Variants in FRMD4A observed in about 807,000 individuals in gnomAD.
FRMD4A encodes FERM domain containing 4A, also known as FERM domain-containing protein 4A.
FRMD4A carries 29 observed loss-of-function variants against 129.1 expected under a neutral mutation model. The observed-to-expected ratio is 0.22, with a 90% CI of 0.17 to 0.31. FRMD4A has a LOEUF of 0.31. Ranked by LOEUF, FRMD4A falls within the 10% of genes least tolerant of loss-of-function variation. The pLI is 1.00. For synonymous variants in FRMD4A, 634 were observed against 571.6 expected (o/e 1.11, Z -1.56); for missense variants, 1,272 against 1,375.8 (o/e 0.92, Z 1.19).
At chr10:14,005,510 C>T (rs1002596780) in intron 2 of FRMD4A, among the ~76,000 whole-genome samples, 11 of 152,278 alleles carry the variant, frequency 7.2e-5, no homozygotes, top group South Asian at 6.2e-4. Context: ...AAGCAATTGT[C>T]GAACCTGGGC....
intron 2 of FRMD4A, among the ~76,000 whole-genome samples, chr10:14,062,787 G>A (rs894561236): frequency 6.6e-6 from 1 of 152,302 alleles, no homozygotes; most frequent in Admixed American, 6.5e-5. Flanking sequence ...GTCCTGGCCA[G>A]GCACAGTGGC....
At chr10:14,276,396 A>G (rs548585350) in intron 2 of FRMD4A, among the ~76,000 whole-genome samples, 38 of 152,330 alleles carry the variant, frequency 2.5e-4, no homozygotes, top group African/African-American at 8.9e-4. Flanking sequence ...AAGGGCCACA[A>G]GAGCCACTTG....
chr10:13,992,452 C>T (rs563607105), intron 2 of FRMD4A, among the ~76,000 whole-genome samples: 2 of 152,196 alleles, frequency 1.3e-5, no homozygotes, highest in African/African-American at 2.4e-5. Context: ...GTCCTGCCCA[C>T]CCACCTCCAT....
intron 6 of FRMD4A, among the ~76,000 whole-genome samples, chr10:13,765,574 G>C (rs760772108): frequency 2.0e-5 from 3 of 152,248 alleles, no homozygotes; most frequent in Non-Finnish European, 2.9e-5. Flanking sequence ...TATTTGCCCT[G>C]GAACCACCTT....
intron 2 of FRMD4A, among the ~76,000 whole-genome samples, chr10:14,304,090 T>C (rs754650972): frequency 2.6e-5 from 4 of 152,232 alleles, no homozygotes; most frequent in Non-Finnish European, 5.9e-5. Flanking sequence ...AATGCTGCTG[T>C]GAACATGGGT....
At chr10:13,649,061 C>G (rs1334882333) in intron 24 of FRMD4A, among the ~76,000 whole-genome samples, 1 of 152,172 alleles carries the variant, frequency 6.6e-6, no homozygotes, top group Non-Finnish European at 1.5e-5. Context: ...AACAGTATCA[C>G]CTATTAACAT....
chr10:13,979,395 A>G (rs953840250), intron 2 of FRMD4A, among the ~76,000 whole-genome samples: 3 of 152,140 alleles, frequency 2.0e-5, no homozygotes, highest in African/African-American at 7.2e-5. Flanking sequence ...CTTTATGCTC[A>G]TAGGAGAGTT....
chr10:13,889,248 C>T (rs764450608), intron 2 of FRMD4A, among the ~76,000 whole-genome samples: 2 of 152,206 alleles, frequency 1.3e-5, no homozygotes, highest in Non-Finnish European at 2.9e-5. Context: ...CATCACAAAC[C>T]AATCTCACTT....
chr10:13,810,446 T>C (rs1161269073), intron 4 of FRMD4A, among the ~76,000 whole-genome samples: 2 of 152,222 alleles, frequency 1.3e-5, no homozygotes, highest in South Asian at 2.1e-4. Context: ...CTTCCTGTTA[T>C]TGTTATCCCA....
At chr10:14,111,945 A>AAGCG (rs957726185) in intron 2 of FRMD4A, among the ~76,000 whole-genome samples, 15 of 131,290 alleles carry the variant, frequency 1.1e-4, no homozygotes, top group East Asian at 9.5e-4. Context: ...GGAAGGAAGG[A>AAGCG]AGGGAGGGAG....
rs370524998 is a variant in FRMD4A at position 13,962,788 on chromosome 10, G to A, written c.46-103876C>T. ...CTTTGGTGGTAGATTAGCATATGGC[G>A]GGAGAGACAGAACCCAAATTACTGG... On this transcript the variant is annotated intron_variant, in intron 2 of 24. Transcript: ENST00000357447. 2.6e-4 allele frequency among the ~76,000 whole-genome samples: 40 copies of A among 152,272 alleles called. 1 individual carries two copies. In the South Asian group the frequency reaches 6.4e-3, roughly 24 times the overall value.
chr10:14,259,667 T>A (rs1167777155), intron 2 of FRMD4A, among the ~76,000 whole-genome samples: 1 of 152,248 alleles, frequency 6.6e-6, no homozygotes, highest in Non-Finnish European at 1.5e-5. Context: ...AAAATATTCT[T>A]TAAAAAGAAA....
intron 2 of FRMD4A, among the ~76,000 whole-genome samples, chr10:14,105,336 C>T (rs977913797): frequency 1.4e-4 from 21 of 152,070 alleles, no homozygotes; most frequent in African/African-American, 4.6e-4. Flanking sequence ...GTGGCCAAGA[C>T]CAGAAGATCA....
At chr10:13,693,030 ATTAAT>A (rs372315279) in intron 15 of FRMD4A, 23,458 of 59,542 alleles carry the variant, frequency 0.39, 2,666 homozygotes, top group Non-Finnish European at 0.53. Context: ...CACCTGGCTA[ATTAAT>A]TTTTTTTTTT....
chr10:14,041,922 A>G (rs529478533), intron 2 of FRMD4A, among the ~76,000 whole-genome samples: 7 of 152,358 alleles, frequency 4.6e-5, no homozygotes, highest in African/African-American at 1.7e-4. Context: ...GGAGGGAGAC[A>G]GTGACTGAAA....
intron 2 of FRMD4A, among the ~76,000 whole-genome samples, chr10:14,229,253 G>A (rs1370264094): frequency 6.6e-6 from 1 of 151,890 alleles, no homozygotes; most frequent in Non-Finnish European, 1.5e-5. Flanking sequence ...TTCTAATAGA[G>A]GTAATAAAAT....
At chr10:14,008,306 C>G (rs1347801876) in intron 2 of FRMD4A, 3 of 1,035,374 alleles carry the variant, frequency 2.9e-6, no homozygotes, top group Admixed American at 4.5e-5. Context: ...GTTTTTCTTT[C>G]GACCATCTGA....
chr10:14,160,166 T>C (rs1277970246), intron 2 of FRMD4A, among the ~76,000 whole-genome samples: 1 of 152,140 alleles, frequency 6.6e-6, no homozygotes, highest in Non-Finnish European at 1.5e-5. Flanking sequence ...AGTCTATATA[T>C]TTACAGCCAA....
chr10:14,065,225 C>T (rs986312768), intron 2 of FRMD4A, among the ~76,000 whole-genome samples: 2 of 152,104 alleles, frequency 1.3e-5, no homozygotes, highest in African/African-American at 2.4e-5. Context: ...GCTCTGTCAC[C>T]CAGGCTGGAG....
Sources: gnomAD v4.1 joint callset for allele counts (sites outside exome capture counted in the v4.1 genomes callset) on GRCh38, gnomAD v4.1.1 for gene constraint, MANE v1.5 for transcripts, NCBI Gene and HGNC (gene_info 2026-07-23, HGNC 2026-07-21) for gene names.